The following CLINT1 variants were observed in gnomAD, a reference collection of about 807,000 sequenced individuals.
CLINT1 encodes clathrin interactor 1, also known as clathrin interacting protein localized in the trans-Golgi region.
Under a neutral mutation model 70.4 loss-of-function variants are expected in CLINT1, and 15 were observed. The observed-to-expected ratio is 0.21, with a 90% CI of 0.14 to 0.33. The LOEUF (loss-of-function observed/expected upper bound fraction) is 0.33. CLINT1 is among the 10% of genes least tolerant of loss of function. The pLI is 1.00. For missense variants in CLINT1, 615 were observed against 778.1 expected, an observed-to-expected ratio of 0.79 and a Z score of 2.49; for synonymous variants, 227 against 254.7, an observed-to-expected ratio of 0.89 and a Z score of 1.04.
chr5:157,858,820 G>C, intron 1 of CLINT1, 110 bp downstream of exon 1: 2 of 1,204,264 alleles, frequency 1.7e-6, no homozygotes, highest in South Asian at 2.8e-5. Context: ...TGATGGGGCT[G>C]GCAGAGCCAG....
intron 1 of CLINT1, among the ~76,000 whole-genome samples, chr5:157,830,019 C>G (rs541995000): frequency 1.8e-3 from 270 of 147,832 alleles, no homozygotes; most frequent in Non-Finnish European, 3.0e-3. Flanking sequence ...TGCGATGATG[C>G]CTGACTACAG....
intron 9 of CLINT1, among the ~76,000 whole-genome samples, chr5:157,792,854 C>T (rs1224946583): frequency 6.6e-6 from 1 of 152,080 alleles, no homozygotes; most frequent in Admixed American, 6.5e-5. Context: ...GTTGAAAAAG[C>T]AAAATGTGAA....
At chr5:157,793,214 CTTTT>C (rs74754292) in intron 9 of CLINT1, among the ~76,000 whole-genome samples, 3 of 143,376 alleles carry the variant, frequency 2.1e-5, no homozygotes, top group Non-Finnish European at 4.6e-5. Flanking sequence ...CGTCTTTGAT[CTTTT>C]TTTTTTTTTT....
At chr5:157,812,026 A>AAAAAAG (rs1047715585) in intron 5 of CLINT1, among the ~76,000 whole-genome samples, 2 of 152,194 alleles carry the variant, frequency 1.3e-5, no homozygotes, top group Admixed American at 1.3e-4. Flanking sequence ...CCCTATTTAA[A>AAAAAAG]AAAAAGAAAA....
At chr5:157,819,580 A>G (rs931134745) in intron 1 of CLINT1, among the ~76,000 whole-genome samples, 3 of 152,248 alleles carry the variant, frequency 2.0e-5, no homozygotes, top group Admixed American at 2.0e-4. Flanking sequence ...ACAGATTCAC[A>G]ATTTAAGATG....
At chr5:157,796,290 A>C (rs1762065249) in intron 8 of CLINT1, 1 of 152,176 alleles carries the variant, frequency 6.6e-6, no homozygotes, top group Non-Finnish European at 1.5e-5. Context: ...TCTGACATAA[A>C]ATTTTATTTG....
intron 5 of CLINT1, among the ~76,000 whole-genome samples, chr5:157,810,795 C>T (rs1444334170): frequency 2.6e-5 from 4 of 152,134 alleles, no homozygotes. Flanking sequence ...TGAGAAACAA[C>T]AAAATAACTA....
intron 1 of CLINT1, chr5:157,823,661 G>T: frequency 2.3e-6 from 1 of 429,948 alleles, no homozygotes; most frequent in Non-Finnish European, 3.1e-6. Flanking sequence ...TGCCACAAAG[G>T]TTTCAGAAAA....
intron 11 of CLINT1, 56 bp from the exon 12 acceptor site, chr5:157,788,048 G>T (rs2113115227): frequency 1.6e-6 from 2 of 1,288,778 alleles, no homozygotes; most frequent in East Asian, 5.0e-5. Flanking sequence ...TAGGTTCATA[G>T]AACAGAGAAC....
At chr5:157,824,293 G>A (rs1145592) in intron 1 of CLINT1, among the ~76,000 whole-genome samples, 20,628 of 152,144 alleles carry the variant, frequency 0.14, 1,860 homozygotes, top group African/African-American at 0.25. Flanking sequence ...TTCAATACTC[G>A]TATTTTAATA....
intron 1 of CLINT1, among the ~76,000 whole-genome samples, chr5:157,856,036 C>T (rs757501095): frequency 1.3e-5 from 2 of 152,098 alleles, no homozygotes; most frequent in Non-Finnish European, 2.9e-5. Context: ...ATTTCTTTTT[C>T]TGAAGTAAAA....
chr5:157,857,813 G>C (rs1440050041), intron 1 of CLINT1, among the ~76,000 whole-genome samples: 3 of 152,172 alleles, frequency 2.0e-5, no homozygotes, highest in African/African-American at 7.2e-5. Flanking sequence ...CAAGCTCTAA[G>C]TTCTATCTGA....
At chr5:157,823,201 C>T (rs532266247) in intron 1 of CLINT1, among the ~76,000 whole-genome samples, 6 of 152,134 alleles carry the variant, frequency 3.9e-5, no homozygotes, top group Non-Finnish European at 7.4e-5. Flanking sequence ...AAGACAGAAA[C>T]ATCTGGAGAC....
intron 7 of CLINT1, among the ~76,000 whole-genome samples, chr5:157,803,941 A>G (rs186195219): frequency 2.0e-5 from 3 of 151,804 alleles, no homozygotes; most frequent in Non-Finnish European, 4.4e-5. Flanking sequence ...TAACATTGAC[A>G]CTTTTTTTCC....
intron 8 of CLINT1, among the ~76,000 whole-genome samples, chr5:157,796,866 A>T (rs1280682203): frequency 6.6e-6 from 1 of 151,740 alleles, no homozygotes; most frequent in Non-Finnish European, 1.5e-5. Context: ...TCTTCACCAC[A>T]GATGCACATG....
chr5:157,837,361 T>G (rs1404963109), intron 1 of CLINT1, among the ~76,000 whole-genome samples: 1 of 151,320 alleles, frequency 6.6e-6, no homozygotes, highest in Non-Finnish European at 1.5e-5. Flanking sequence ...GATGGCAGAG[T>G]GAGACCCTGT....
chr5:157,830,048 A>C (rs1196696929), intron 1 of CLINT1, among the ~76,000 whole-genome samples: 2 of 152,172 alleles, frequency 1.3e-5, no homozygotes, highest in Non-Finnish European at 2.9e-5. Context: ...TCCCAGGCTC[A>C]AGCGATCCTC....
chr5:157,827,406 TATA>T (rs1487764102), intron 1 of CLINT1, among the ~76,000 whole-genome samples: 1 of 152,146 alleles, frequency 6.6e-6, no homozygotes, highest in Non-Finnish European at 1.5e-5. Context: ...CCCAAAACCA[TATA>T]ATAATTTTAA....
intron 8 of CLINT1, among the ~76,000 whole-genome samples, chr5:157,800,826 T>C (rs766099990): frequency 2.0e-4 from 31 of 152,182 alleles, no homozygotes; most frequent in African/African-American, 2.7e-4. Context: ...CATGTTGGTA[T>C]TTAATAAATC....
Sources: gnomAD v4.1 joint callset for allele counts (sites outside exome capture counted in the v4.1 genomes callset) on GRCh38, gnomAD v4.1.1 for gene constraint, MANE v1.5 for transcripts, NCBI Gene and HGNC (gene_info 2026-07-23, HGNC 2026-07-21) for gene names.